The following ZNF569 variants were observed in gnomAD, a reference collection of about 807,000 sequenced individuals.
The protein encoded by ZNF569 is zinc finger protein 569, also known as DNA-binding protein.
Under a neutral mutation model 56.3 loss-of-function variants are expected in ZNF569, and 38 were observed. The observed-to-expected ratio is 0.68, with a 90% confidence interval of 0.52 to 0.88. The LOEUF is 0.88. Ranked by LOEUF, ZNF569 falls within the 40% of genes least tolerant of loss-of-function variation. ZNF569 has a pLI of 0.00. For missense variants in ZNF569, 666 were observed against 809.2 expected (o/e 0.82, Z 2.15); for synonymous variants, 241 against 262.9 (o/e 0.92, Z 0.81).
intron 2 of ZNF569, among the ~76,000 whole-genome samples, chr19:37,452,322 A>G (rs767912014): frequency 6.6e-6 from 1 of 152,214 alleles, no homozygotes; most frequent in Non-Finnish European, 1.5e-5. Flanking sequence ...AGTAGAATTA[A>G]AAGTTATTTA....
intron 2 of ZNF569, among the ~76,000 whole-genome samples, chr19:37,445,704 C>CA (rs530883285): frequency 3.0e-4 from 45 of 151,372 alleles, no homozygotes; most frequent in East Asian, 2.1e-3. Flanking sequence ...CAATAGCTGC[C>CA]AAAAAAAATA....
At chr19:37,418,179 AACAAATAAAATTGTT>A (rs1330021310) in intron 5 of ZNF569, among the ~76,000 whole-genome samples, 3 of 151,824 alleles carry the variant, frequency 2.0e-5, no homozygotes, top group Non-Finnish European at 4.4e-5. Flanking sequence ...ATCCAGTCTA[AACAAATAAAATTGTT>A]CTGAACACTG....
chr19:37,431,909 C>CT (rs1471146064), intron 3 of ZNF569, among the ~76,000 whole-genome samples: 2 of 152,168 alleles, frequency 1.3e-5, no homozygotes, highest in Non-Finnish European at 2.9e-5. Context: ...TGCCATGGGC[C>CT]TGGGTCAGTG....
chr19:37,439,222 C>A (rs1183433550), intron 3 of ZNF569, among the ~76,000 whole-genome samples: 1 of 152,150 alleles, frequency 6.6e-6, no homozygotes, highest in Non-Finnish European at 1.5e-5. Flanking sequence ...AGGTGTGCAC[C>A]ACCATGCCTG....
intron 3 of ZNF569, among the ~76,000 whole-genome samples, chr19:37,430,448 T>C (rs62110395): frequency 0.12 from 17,023 of 147,032 alleles, 1,227 homozygotes; most frequent in Non-Finnish European, 0.16. Context: ...AAAATAAATA[T>C]AAAGAGAAAA....
chr19:37,432,354 C>A (rs558026084), intron 3 of ZNF569, among the ~76,000 whole-genome samples: 1 of 152,200 alleles, frequency 6.6e-6, no homozygotes, highest in African/African-American at 2.4e-5. Context: ...AGTAAGACAA[C>A]AAGAGTCTCT....
chr19:37,432,138 T>C (rs960991466), intron 3 of ZNF569, among the ~76,000 whole-genome samples: 2 of 152,186 alleles, frequency 1.3e-5, no homozygotes, highest in African/African-American at 4.8e-5. Context: ...ACTGGCTGGC[T>C]TTGCCACCTG....
At chr19:37,444,474 C>T (rs919154902) in intron 3 of ZNF569, among the ~76,000 whole-genome samples, 3 of 151,954 alleles carry the variant, frequency 2.0e-5, no homozygotes, top group Non-Finnish European at 4.4e-5. Context: ...GTTTCTAATG[C>T]TGGGCTATTT....
upstream of ZNF569, chr19:37,467,813 C>G: frequency 1.4e-6 from 2 of 1,456,914 alleles, no homozygotes; most frequent in South Asian, 2.4e-5. Flanking sequence ...TGCGAATATG[C>G]GACCTTTTGT....
At chr19:37,457,186 C>T (rs1448084683) in intron 2 of ZNF569, among the ~76,000 whole-genome samples, 2 of 152,086 alleles carry the variant, frequency 1.3e-5, no homozygotes, top group African/African-American at 2.4e-5. Flanking sequence ...AACACAATGC[C>T]ATTATCACAC....
upstream of ZNF569, chr19:37,468,999 C>T (rs1020087717): frequency 2.1e-6 from 2 of 961,322 alleles, no homozygotes; most frequent in African/African-American, 3.5e-5. Context: ...TGCGGCCAAC[C>T]TGCGATTCTC....
Position 37,414,242 on chromosome 19 carries a change from T to C in ZNF569, c.416A>G (p.Tyr139Cys). Residue 139 changes from tyrosine (Y) to cysteine (C), a missense_variant, in exon 6 of 6, where the codon TAT becomes TGT. Physicochemically the swap from Tyr to Cys is radical, Grantham distance 194. Coordinates refer to ENST00000316950, the MANE Select transcript of ZNF569 (RefSeq NM_152484.3). ...TTCTAAACACTTTCCAAATAAGTCA[T>C]ACTCATAGAGATTGTGTCTGGAAGG... ...FFPSRHNLYEYDLFGKCLEHN... is the reference protein window; with the variant it reads ...FFPSRHNLYECDLFGKCLEHN... 1 of 1,613,498 alleles carries C rather than the reference T, an allele frequency of 6.2e-7. No individual in the cohort carries two copies. Among genetic ancestry groups the C allele is most frequent in the Non-Finnish European group, 8.5e-7 (1 of 1,179,760 alleles).
chr19:37,416,873 T>C (rs768510543), intron 5 of ZNF569, among the ~76,000 whole-genome samples: 1 of 152,036 alleles, frequency 6.6e-6, no homozygotes, highest in Non-Finnish European at 1.5e-5. Context: ...CTTGAACAAA[T>C]AGAATGGTGT....
intron 5 of ZNF569, among the ~76,000 whole-genome samples, chr19:37,417,950 A>T (rs1465795254): frequency 6.6e-6 from 1 of 151,986 alleles, no homozygotes; most frequent in Non-Finnish European, 1.5e-5. Context: ...AAAATACAAA[A>T]ATTAGCCAGG....
In ZNF569 at chr19:37,451,332, G is replaced by A. The variant is rs868650527; in HGVS notation, c.-43-6368C>T. 8.6e-5 allele frequency among the ~76,000 whole-genome samples: 13 copies of A among 151,476 alleles called. No homozygotes were observed. The South Asian group carries it at 1.3e-3, about 15-fold the overall frequency. On this transcript the variant is annotated intron_variant, in intron 2 of 5. Coordinates refer to ENST00000316950, the MANE Select transcript of ZNF569 (RefSeq NM_152484.3). ...GGAGAATCACTTGAACCCGGGAGGC[G>A]GAGGTTGCAGTGAGCCGAGATCGTG...
chr19:37,430,584 G>GAA (rs58184654), intron 3 of ZNF569, among the ~76,000 whole-genome samples: 7 of 148,826 alleles, frequency 4.7e-5, no homozygotes, highest in Admixed American at 1.3e-4. Context: ...AGTTCTGAAA[G>GAA]AAAAAAAAAA....
chr19:37,417,404 G>A (rs111318182), intron 5 of ZNF569, among the ~76,000 whole-genome samples: 4,591 of 152,122 alleles, frequency 0.03, 215 homozygotes, highest in African/African-American at 0.096. Context: ...GGGACTAGAG[G>A]CGTGGTTAAT....
intron 5 of ZNF569, among the ~76,000 whole-genome samples, chr19:37,417,409 G>C (rs144180245): frequency 0.011 from 1,721 of 151,820 alleles, 18 homozygotes; most frequent in Non-Finnish European, 0.017. Context: ...TAGAGGCGTG[G>C]TTAATTTTTT....
chr19:37,454,741 AT>A (rs1223810806), intron 2 of ZNF569: 33 of 670,612 alleles, frequency 4.9e-5, no homozygotes, highest in Non-Finnish European at 8.7e-5. Context: ...CACCTCCCTA[AT>A]TTTGCAAGTC....
Sources: allele counts gnomAD v4.1 joint callset (sites outside exome capture counted in the v4.1 genomes callset), GRCh38; gene constraint gnomAD v4.1.1; transcripts MANE v1.5; gene names NCBI Gene and HGNC (gene_info 2026-07-23, HGNC 2026-07-21).